The following PRRC2C variants were observed in gnomAD, a reference collection of about 807,000 sequenced individuals.
PRRC2C encodes proline rich coiled-coil 2C.
Under a neutral mutation model 317.2 loss-of-function variants are expected in PRRC2C, and 72 were observed. The ratio of observed to expected loss-of-function variants is 0.23; its 90% confidence interval spans 0.19 to 0.28. The LOEUF (loss-of-function observed/expected upper bound fraction) is 0.28. Ranked by LOEUF, PRRC2C falls within the 10% of genes least tolerant of loss-of-function variation. The pLI is 1.00. For missense variants in PRRC2C, 3,074 were observed against 3,459.7 expected, an observed-to-expected ratio of 0.89 and a Z score of 2.80; for synonymous variants, 1,296 against 1,205.9, an observed-to-expected ratio of 1.07 and a Z score of -1.55.
chr1:171,535,711 A>T, intron 13 of PRRC2C, 114 bp downstream of exon 13: 1 of 1,275,366 alleles, frequency 7.8e-7, no homozygotes, highest in South Asian at 1.4e-5. Context: ...GTTCCCTTGA[A>T]ATTATTTTTC....
intron 10 of PRRC2C, among the ~76,000 whole-genome samples, chr1:171,527,387 C>T (rs1039703136): frequency 2.9e-4 from 44 of 151,912 alleles, no homozygotes; most frequent in Non-Finnish European, 3.8e-4. Context: ...CCTGCCTCGG[C>T]CTCCCAAAGT....
intron 17 of PRRC2C, among the ~76,000 whole-genome samples, chr1:171,545,939 C>T (rs1290437166): frequency 6.6e-6 from 1 of 152,114 alleles, no homozygotes; most frequent in Admixed American, 6.6e-5. Context: ...AACAGCATTG[C>T]ACTGTTCTTC....
chr1:171,519,437 T>C (rs1239014054), intron 6 of PRRC2C, among the ~76,000 whole-genome samples: 1 of 152,220 alleles, frequency 6.6e-6, no homozygotes, highest in Non-Finnish European at 1.5e-5. Context: ...CCTATAGATA[T>C]TTCTATCTCC....
intron 6 of PRRC2C, among the ~76,000 whole-genome samples, chr1:171,521,282 G>A (rs1673499121): frequency 6.6e-6 from 1 of 151,988 alleles, no homozygotes; most frequent in African/African-American, 2.4e-5. Context: ...AATTTGACTT[G>A]GATATAAGCA....
intron 24 of PRRC2C, among the ~76,000 whole-genome samples, chr1:171,574,605 G>C (rs148872205): frequency 1.3e-3 from 194 of 152,290 alleles, no homozygotes; most frequent in Middle Eastern, 0.01. Context: ...CATTTAAGAA[G>C]CATTGGAGTA....
At chr1:171,539,887 G>A in intron 15 of PRRC2C, 84 bp from the exon 16 acceptor site, 1 of 1,171,774 alleles carries the variant, frequency 8.5e-7, no homozygotes. Context: ...ATTGCTTTCT[G>A]TTTTAGAGGG....
In PRRC2C at chr1:171,542,084, A is replaced by G; in HGVS notation, c.4618A>G (p.Ile1540Val). 6.2e-7 allele frequency: 1 copy of G among 1,614,004 alleles called. No homozygotes were observed. Among genetic ancestry groups the G allele is most frequent in the South Asian group, 1.1e-5 (1 of 91,084 alleles). The change falls in exon 16 of 35, where the codon ATT (isoleucine) becomes GTT (valine). Residue 1540 changes from isoleucine (I) to valine (V), a missense_variant. Physicochemically the swap from Ile to Val is conservative, Grantham distance 29. Coordinates refer to ENST00000647382, the MANE Select transcript of PRRC2C (RefSeq NM_001387844.1). ...GENVLPPKREIAKRSFSSQRP... is the reference protein window; with the variant it reads ...GENVLPPKREVAKRSFSSQRP... The stretch of plus-strand genomic sequence containing the variant: ...GAATGTTCTACCTCCAAAGAGGGAA[A>G]TTGCAAAGAGAAGTTTTTCTAGTCA...
rs527501902 is a variant in PRRC2C, at chr1:171,515,737, T to A, written c.404T>A (p.Ile135Asn). The part of the protein sequence containing the change: ...SNKQGGQGDG[I>N]QVNSQFQQEF... ...GTTTTTTTAAAAAAATCTATAGGAA[T>A]CCAAGTGAATAGTCAGTTTCAGCAA... The change falls in exon 5 of 35, where the codon ATC (isoleucine) becomes AAC (asparagine). Residue 135 changes from isoleucine to asparagine, a missense_variant. By Grantham distance (149) the Ile-to-Asn change is moderately radical. This residue lies in a region of PRRC2C where 237 missense variants were observed against 199.5 expected (regional missense o/e 1.19). Coordinates refer to ENST00000647382, the MANE Select transcript of PRRC2C (RefSeq NM_001387844.1). 1 of 1,596,504 alleles carries A rather than the reference T, an allele frequency of 6.3e-7. No individual in the cohort carries two copies. Among genetic ancestry groups the A allele is most frequent in the Non-Finnish European group, 8.5e-7 (1 of 1,173,174 alleles).
chr1:171,512,568 GGGGT>G, intron 2 of PRRC2C: 1 of 266,310 alleles, frequency 3.8e-6, no homozygotes, highest in African/African-American at 2.2e-5. Context: ...TTCGTGTGTG[GGGGT>G]GTGTGTGTGT....
chr1:171,551,989 T>C (rs954648549), intron 18 of PRRC2C, among the ~76,000 whole-genome samples: 2 of 152,204 alleles, frequency 1.3e-5, no homozygotes, highest in African/African-American at 4.8e-5. Flanking sequence ...TTTTTTCCAA[T>C]TCTGTGAAGA....
intron 18 of PRRC2C, among the ~76,000 whole-genome samples, chr1:171,552,760 A>G (rs201880294): frequency 6.6e-6 from 1 of 151,890 alleles, no homozygotes; most frequent in East Asian, 1.9e-4. Context: ...TGTGATGGAT[A>G]ATGTTTATTG....
In PRRC2C at chr1:171,514,692, G is replaced by T. The variant is rs371074026; in HGVS notation, c.400+47G>T. On this transcript the variant is annotated intron_variant, in intron 4 of 34. Coordinates refer to ENST00000647382, the MANE Select transcript of PRRC2C (RefSeq NM_001387844.1). ...AAGCTGCCTAGGCTTGATAGTTACT[G>T]AACAGCCATGCAGGAGATAAGGGGT... The T allele has an allele frequency of 2.8e-6, 4 of 1,449,350 alleles. No individual in the cohort carries two copies. The Admixed American group carries it at 7.9e-5, about 29-fold the overall frequency. 89.8% of individuals were successfully genotyped at this position (1,449,350 alleles called of 1,614,324 possible).
At chr1:171,590,031 ACTCTC>A (rs1342516688) in intron 34 of PRRC2C, among the ~76,000 whole-genome samples, 2 of 136,920 alleles carry the variant, frequency 1.5e-5, no homozygotes, top group Non-Finnish European at 3.1e-5. Flanking sequence ...CTTTCCCCTG[ACTCTC>A]CTCCTCCCAG....
At chr1:171,515,078 T>C (rs1449083271) in intron 4 of PRRC2C, among the ~76,000 whole-genome samples, 1 of 152,264 alleles carries the variant, frequency 6.6e-6, no homozygotes, top group Non-Finnish European at 1.5e-5. Context: ...TGCTGTAATA[T>C]TCCCCTTTCC....
chr1:171,566,376 A>G lies in PRRC2C; in HGVS notation c.6261A>G (p.Glu2087=). 1 of 1,590,796 alleles carries G rather than the reference A, an allele frequency of 6.3e-7. No homozygotes were observed. Among genetic ancestry groups the G allele is most frequent in the Non-Finnish European group, 8.6e-7 (1 of 1,168,434 alleles). The part of the protein sequence containing the change: ...KSADKIPEPK[E]QRQKQPRAGP... ...CTGACAAAATACCTGAACCTAAAGA[A>G]CAGCGGCAGAAGCAGCCACGAGCAG... Residue 2087 remains glutamate, a synonymous_variant, in exon 21 of 35, where the codon GAA becomes GAG. Coordinates refer to ENST00000647382, the MANE Select transcript of PRRC2C (RefSeq NM_001387844.1).
chr1:171,492,427 T>C (rs1023502897), intron 1 of PRRC2C, among the ~76,000 whole-genome samples: 4 of 152,212 alleles, frequency 2.6e-5, no homozygotes, highest in African/African-American at 9.6e-5. Context: ...TGTTGTGGCA[T>C]GTGCCTGTGG....
chr1:171,527,840 A>G lies in PRRC2C; in HGVS notation c.1250A>G (p.Gln417Arg). ...CCACCACCTCCAAAGTTGCTTGCACAGCAGGTAAATTTTAAGTGCTTGTTT... is the reference window on the plus strand; with the variant it reads ...CCACCACCTCCAAAGTTGCTTGCACGGCAGGTAAATTTTAAGTGCTTGTTT... ...HLPPPPKLLAQQHPPPDRQAV... is the reference protein window; with the variant it reads ...HLPPPPKLLARQHPPPDRQAV... The change falls in exon 11 of 35, where the codon CAG (glutamine) becomes CGG (arginine). Residue 417 changes from glutamine to arginine, a missense_variant. Gln to Arg is a conservative substitution (Grantham distance 43). Transcript: ENST00000647382. The G allele has an allele frequency of 6.3e-7, 1 of 1,579,414 alleles. No individual in the cohort carries two copies. Among genetic ancestry groups the G allele is most frequent in the Non-Finnish European group, 8.6e-7 (1 of 1,160,510 alleles).
chr1:171,527,676 GC>G (rs1390134363), intron 10 of PRRC2C, 114 bp from the exon 11 acceptor site: 5 of 778,216 alleles, frequency 6.4e-6, no homozygotes, highest in Middle Eastern at 3.8e-4. Flanking sequence ...GAATTGCTTG[GC>G]CCCGGGAGAC....
At chr1:171,523,961 G>A (rs553304464) in intron 9 of PRRC2C, among the ~76,000 whole-genome samples, 3 of 152,120 alleles carry the variant, frequency 2.0e-5, no homozygotes, top group East Asian at 1.9e-4. Flanking sequence ...ACTTGAATCC[G>A]GGAGGCGGAG....
Sources: allele counts gnomAD v4.1 joint callset (sites outside exome capture counted in the v4.1 genomes callset), GRCh38; gene constraint gnomAD v4.1.1; regional missense constraint gnomAD v4.1.1; transcripts MANE v1.5; gene names NCBI Gene and HGNC (gene_info 2026-07-23, HGNC 2026-07-21).